Variants in LRRC58 observed in about 807,000 individuals in gnomAD.
LRRC58 encodes leucine-rich repeat-containing protein 58.
In LRRC58, 18 loss-of-function variants were observed where a neutral mutation model predicts 30.6. The ratio of observed to expected loss-of-function variants is 0.59; its 90% CI spans 0.41 to 0.87. LRRC58 has a LOEUF of 0.87. Among genes scored for constraint, LRRC58 ranks in the 40% least tolerant of loss-of-function variants. The pLI is 0.00. For missense variants in LRRC58, 420 were observed against 468.4 expected, an observed-to-expected ratio of 0.90 and a Z score of 0.95; for synonymous variants, 221 against 206.0, an observed-to-expected ratio of 1.07 and a Z score of -0.62.
intron 3 of LRRC58, among the ~76,000 whole-genome samples, chr3:120,332,266 C>A (rs1448923651): frequency 6.6e-6 from 1 of 152,226 alleles, no homozygotes; most frequent in Non-Finnish European, 1.5e-5. Flanking sequence ...GCCTAAGTTT[C>A]TTCTGGCACC....
intron 1 of LRRC58, among the ~76,000 whole-genome samples, chr3:120,348,240 T>C (rs555848826): frequency 6.6e-6 from 1 of 152,314 alleles, no homozygotes; most frequent in Admixed American, 6.5e-5. Flanking sequence ...TCCAAGCTGC[T>C]TTCTCTACGT....
chr3:120,339,259 C>G (rs1262038240), intron 1 of LRRC58, among the ~76,000 whole-genome samples: 1 of 152,154 alleles, frequency 6.6e-6, no homozygotes, highest in Admixed American at 6.5e-5. Flanking sequence ...GTTGTACTCT[C>G]TCAGTCTCAA....
intron 1 of LRRC58, among the ~76,000 whole-genome samples, chr3:120,345,726 T>C (rs752961380): frequency 4.6e-5 from 7 of 152,250 alleles, no homozygotes; most frequent in African/African-American, 7.2e-5. Context: ...AGAGTTTATA[T>C]GTGGAGCATA....
rs376682808 is a variant in LRRC58, at chr3:120,334,936, G to T, written c.833C>A (p.Thr278Asn). The T allele has an allele frequency of 2.9e-5, 46 of 1,613,700 alleles. No homozygotes were observed. The highest frequency in any genetic ancestry group is 3.6e-5 in the Non-Finnish European group (42 of 1,179,800). ...RTIKIRNISY[T>N]PYDLPGNLLR... is the part of the protein sequence containing the mutation. Reference sequence around the variant, plus strand: ...AAGATTTCCAGGAAGATCATAGGGAGTGTAGGAAATATTTCGAATCTTAAT... The same window carrying T: ...AAGATTTCCAGGAAGATCATAGGGATTGTAGGAAATATTTCGAATCTTAAT... The change falls in exon 3 of 4, where the codon ACT becomes AAT. Residue 278 changes from threonine (T) to asparagine (N), a missense_variant. Thr to Asn is a moderately conservative substitution (Grantham distance 65, BLOSUM62 0). Around this residue, in one of 2 missense-constraint regions of LRRC58, gnomAD observed 154 missense variants for 216.8 expected, o/e 0.71. Transcript: ENST00000295628.
intron 1 of LRRC58, among the ~76,000 whole-genome samples, chr3:120,341,846 C>T (rs1341907970): frequency 6.6e-6 from 1 of 151,918 alleles, no homozygotes; most frequent in Non-Finnish European, 1.5e-5. Context: ...AGGGAGAAGC[C>T]CCACCCTCCT....
At chr3:120,333,091 C>CAAAAA (rs60534761) in intron 3 of LRRC58, among the ~76,000 whole-genome samples, 1 of 84,380 alleles carries the variant, frequency 1.2e-5, no homozygotes, top group African/African-American at 3.9e-5. Flanking sequence ...GACTCCGTCT[C>CAAAAA]AAAAAAAAAA....
intron 1 of LRRC58, among the ~76,000 whole-genome samples, chr3:120,338,374 C>T (rs1382805437): frequency 6.6e-6 from 1 of 152,204 alleles, no homozygotes. Context: ...CTAACACCTA[C>T]AATGTGCCAG....
rs1935651090 is a variant in LRRC58 at position 120,324,792 on chromosome 3, A to G, written c.*6408T>C. 1 of 152,184 alleles carries G rather than the reference A, an allele frequency of 6.6e-6. No homozygotes were observed. The highest frequency in any genetic ancestry group is 1.5e-5 in the Non-Finnish European group (1 of 68,028). 9.4% of individuals were successfully genotyped at this position (152,184 alleles called of 1,614,324 possible). ...CAATATATAAATTTGATATTAATAT[A>G]ATAAACAATAACTTATCCTAAATAT... On this transcript the variant is annotated 3_prime_UTR_variant, in exon 4 of 4. Transcript: ENST00000295628.
chr3:120,334,968 T>C lies in LRRC58; in HGVS notation c.801A>G (p.Ala267=), dbSNP rs1416905008. Residue 267 remains alanine (A), a synonymous_variant, in exon 3 of 4, where the codon GCA becomes GCG. Transcript: ENST00000295628. ...AAATATTTCGAATCTTAATGGTCCG[T>C]GCAGCTAATTCCAGGAGAGTTGGAG... ...YDPPTLLELA[A]RTIKIRNISY... is the part of the protein sequence containing the mutation. The C allele has an allele frequency of 1.2e-6, 2 of 1,613,834 alleles. No individual in the cohort carries two copies. The highest frequency in any genetic ancestry group is 2.2e-5 in the South Asian group (2 of 91,052).
intron 3 of LRRC58, among the ~76,000 whole-genome samples, chr3:120,333,896 A>G (rs1935796197): frequency 6.6e-6 from 1 of 152,070 alleles, no homozygotes; most frequent in Non-Finnish European, 1.5e-5. Context: ...CCTATCCTCA[A>G]TTTTATCCTA....
chr3:120,344,020 C>T (rs1276381612), intron 1 of LRRC58, among the ~76,000 whole-genome samples: 2 of 151,854 alleles, frequency 1.3e-5, no homozygotes, highest in African/African-American at 2.4e-5. Flanking sequence ...GCTTGGTGGA[C>T]AGGGCGAGAC....
Position 120,331,162 on chromosome 3 carries a change from C to T in LRRC58, c.*38G>A, listed in dbSNP as rs763227362. The T allele has an allele frequency of 3.2e-6, 5 of 1,573,222 alleles. No homozygotes were observed. The highest frequency in any genetic ancestry group is 4.4e-6 in the Non-Finnish European group (5 of 1,143,882). ...TATTTTCTTGTCTAACCATTTTGCT[C>T]AGTTTTTTAAGTATTTCACAACACT... On this transcript the variant is annotated 3_prime_UTR_variant, in exon 4 of 4. Coordinates refer to ENST00000295628, the MANE Select transcript of LRRC58 (RefSeq NM_001099678.2).
At chr3:120,333,667 T>C (rs2107622121) in intron 3 of LRRC58, among the ~76,000 whole-genome samples, 1 of 152,304 alleles carries the variant, frequency 6.6e-6, no homozygotes, top group African/African-American at 2.4e-5. Context: ...TTTTTAAAAG[T>C]AGTCTTTTAT....
rs1935668601 is a variant in LRRC58, at chr3:120,326,024, TCA to T, written c.*5174_*5175del. On this transcript the variant is annotated 3_prime_UTR_variant, in exon 4 of 4. Coordinates refer to ENST00000295628, the MANE Select transcript of LRRC58 (RefSeq NM_001099678.2). ...TCAAATGAAAAAGGTAACAAGGCTG[TCA>T]CAAACAACTTATTAAATAATATAGC... The T allele has an allele frequency of 6.6e-6, 1 of 152,052 alleles. No homozygotes were observed. The highest frequency in any genetic ancestry group is 2.4e-5 in the African/African-American group (1 of 41,378). 9.4% of individuals were successfully genotyped at this position (152,052 alleles called of 1,614,324 possible).
At chr3:120,339,937 C>T (rs1935883868) in intron 1 of LRRC58, among the ~76,000 whole-genome samples, 1 of 152,116 alleles carries the variant, frequency 6.6e-6, no homozygotes, top group Non-Finnish European at 1.5e-5. Flanking sequence ...GATCTCGGCT[C>T]ACTGCAATCT....
rs534338052 is a variant in LRRC58 at position 120,346,383 on chromosome 3, A to AC, written c.500+2360dup. ...AGAACTCAAGGGTTTGGAGTCACAG[A>AC]CCACAGAGGTCAAATACAGTTCCAA... is the stretch of plus-strand genomic sequence containing the variant. On this transcript the variant is annotated intron_variant, in intron 1 of 3. Transcript: ENST00000295628. Among the ~76,000 whole-genome samples, 15 of 152,320 alleles carry AC rather than the reference A, an allele frequency of 9.8e-5. No homozygotes were observed. The East Asian group carries it at 1.5e-3, about 16-fold the overall frequency.
At chr3:120,333,555 C>CT (rs1168013946) in intron 3 of LRRC58, among the ~76,000 whole-genome samples, 7 of 152,176 alleles carry the variant, frequency 4.6e-5, no homozygotes, top group Non-Finnish European at 8.8e-5. Context: ...AATTTTCTCC[C>CT]TTTTAACCTT....
rs1006405829 is a variant in LRRC58 at position 120,327,248 on chromosome 3, T to C, written c.*3952A>G. On this transcript the variant is annotated 3_prime_UTR_variant, in exon 4 of 4. Coordinates refer to ENST00000295628, the MANE Select transcript of LRRC58 (RefSeq NM_001099678.2). ...TAGCCCTGTGGCTTCTAAAGATTTC[T>C]TTTTTTTTTTTTTTTTTTTTTGAGA... 2.6e-4 allele frequency: 9 copies of C among 34,348 alleles called. No homozygotes were observed. Among genetic ancestry groups the C allele is most frequent in the South Asian group, 1.8e-3 (2 of 1,102 alleles). 2.1% of individuals were successfully genotyped at this position (34,348 alleles called of 1,614,324 possible). A position where few individuals can be genotyped will look rare whatever the true frequency, so the allele number is the denominator to read the frequency against.
chr3:120,338,710 G>A (rs1935866651), intron 1 of LRRC58, among the ~76,000 whole-genome samples: 1 of 152,228 alleles, frequency 6.6e-6, no homozygotes, highest in South Asian at 2.1e-4. Flanking sequence ...TGACTGAGGT[G>A]GGACTGTGGT....
Sources: gnomAD v4.1 joint callset for allele counts (sites outside exome capture counted in the v4.1 genomes callset) on GRCh38, gnomAD v4.1.1 for gene constraint, gnomAD v4.1.1 regional missense constraint, MANE v1.5 for transcripts, NCBI Gene and HGNC (gene_info 2026-07-23, HGNC 2026-07-21) for gene names.